Variants in IGSF10 observed in about 807,000 individuals in gnomAD.
IGSF10 encodes the protein immunoglobulin superfamily member 10.
IGSF10 carries 126 observed loss-of-function variants against 128.2 expected under a neutral mutation model. The ratio of observed to expected loss-of-function variants is 0.98; its 90% CI spans 0.85 to 1.14. The LOEUF (loss-of-function observed/expected upper bound fraction) is 1.14, where lower values mean the gene tolerates loss of function less well. Ranked by LOEUF, IGSF10 falls within the 50% of genes most tolerant of loss-of-function variation. The probability of loss-of-function intolerance (pLI) is 0.00; values close to 1 mark genes in which losing one functional copy is unlikely to be tolerated. For synonymous variants in IGSF10, 1,185 were observed against 1,146.2 expected, an observed-to-expected ratio of 1.03 and a Z score of -0.68; for missense variants, 3,295 against 3,149.8, an observed-to-expected ratio of 1.05 and a Z score of -1.10.
chr3:151,436,395 C>T lies in IGSF10; in HGVS notation c.*294G>A, dbSNP rs1415695286. 1 of 238,972 alleles carries T rather than the reference C, an allele frequency of 4.2e-6. No homozygotes were observed. The highest frequency in any genetic ancestry group is 8.1e-6 in the Non-Finnish European group (1 of 123,616). 14.8% of individuals were successfully genotyped at this position (238,972 alleles called of 1,614,324 possible). On this transcript the variant is annotated 3_prime_UTR_variant, in exon 8 of 8. Coordinates refer to ENST00000282466, the MANE Select transcript of IGSF10 (RefSeq NM_178822.5). Reference sequence around the variant, plus strand: ...AAGTTCATTTTTTTACTGAAAAATTCAGGTACATTAGCCATTTGTTATTTT... The same window carrying T: ...AAGTTCATTTTTTTACTGAAAAATTTAGGTACATTAGCCATTTGTTATTTT...
chr3:151,472,820 G>A, the IGSF10 span, among the ~76,000 whole-genome samples: 1 of 152,144 alleles, frequency 6.6e-6, no homozygotes, highest in Admixed American at 6.5e-5. Flanking sequence ...TTAGAACCTG[G>A]AGACTGGGTC....
chr3:151,550,680 G>GT, the IGSF10 span, among the ~76,000 whole-genome samples: 1 of 151,828 alleles, frequency 6.6e-6, no homozygotes, highest in African/African-American at 2.4e-5. Context: ...TTTTTTTCTC[G>GT]TTTTTTACAT....
In IGSF10 at chr3:151,444,954, G is replaced by A. The variant is rs746508004; in HGVS notation, c.5027C>T (p.Pro1676Leu). The A allele has an allele frequency of 3.1e-6, 5 of 1,612,866 alleles. No individual in the cohort carries two copies. The highest frequency in any genetic ancestry group is 4.2e-6 in the Non-Finnish European group (5 of 1,179,620). ...AFLPCEAVGN[P>L]LPTIHWTRVP... is the part of the protein sequence containing the mutation. Reference sequence around the variant, plus strand: ...TCTGGTCCAATGAATGGTGGGCAGGGGATTTCCAACAGCTTCACAGGGAAG... The same window carrying A: ...TCTGGTCCAATGAATGGTGGGCAGGAGATTTCCAACAGCTTCACAGGGAAG... The change falls in exon 6 of 8, where the codon CCC (proline) becomes CTC (leucine). Residue 1676 changes from proline (P) to leucine (L), a missense_variant. Transcript: ENST00000282466.
rs1455059192 is a variant in IGSF10, at chr3:151,447,533, A to C, written c.2448T>G (p.Leu816=). ...AGTCAGCAGTCACTGTCCTTGCTGG[A>C]AGGTTCAAAGCTTTAGTGGCCGGGA... ...FMVPATKALN[L]PARTVTADSR... is the part of the protein sequence containing the mutation. Residue 816 remains leucine (L), a synonymous_variant, in exon 6 of 8, where the codon CTT becomes CTG. Coordinates refer to ENST00000282466, the MANE Select transcript of IGSF10 (RefSeq NM_178822.5). The C allele has an allele frequency of 1.2e-6, 2 of 1,614,202 alleles. No individual in the cohort carries two copies. Among genetic ancestry groups the C allele is most frequent in the African/African-American group, 1.3e-5 (1 of 75,058 alleles).
At chr3:151,536,297 C>T in the IGSF10 span, among the ~76,000 whole-genome samples, 1 of 152,164 alleles carries the variant, frequency 6.6e-6, no homozygotes, top group Admixed American at 6.5e-5. Context: ...GGCAGCCTCT[C>T]AACTCCACCT....
At chr3:151,459,636 G>A (rs1721958402) in intron 2 of IGSF10, among the ~76,000 whole-genome samples, 1 of 151,990 alleles carries the variant, frequency 6.6e-6, no homozygotes, top group Non-Finnish European at 1.5e-5. Context: ...GAGGTGGGGA[G>A]CATAACCAGG....
At chr3:151,531,456 G>GC in the IGSF10 span, among the ~76,000 whole-genome samples, 16 of 152,014 alleles carry the variant, frequency 1.1e-4, no homozygotes, top group East Asian at 1.2e-3. Context: ...CTCAGCAAAT[G>GC]AAAAAAATGG....
chr3:151,542,404 A>G, the IGSF10 span, among the ~76,000 whole-genome samples: 119 of 152,278 alleles, frequency 7.8e-4, no homozygotes, highest in African/African-American at 2.7e-3. Flanking sequence ...AATACACAGA[A>G]GTATATAGGG....
chr3:151,499,171 C>G, the IGSF10 span, among the ~76,000 whole-genome samples: 1 of 152,094 alleles, frequency 6.6e-6, no homozygotes, highest in Non-Finnish European at 1.5e-5. Context: ...AATTATTAAT[C>G]TTGTCGAGAG....
chr3:151,479,323 T>C, the IGSF10 span, among the ~76,000 whole-genome samples: 77,804 of 151,996 alleles, frequency 0.51, 20,377 homozygotes, highest in South Asian at 0.62. Flanking sequence ...AAAACAAATG[T>C]TTCTTTCTGT....
chr3:151,446,440 G>A lies in IGSF10; in HGVS notation c.3541C>T (p.Leu1181Phe), dbSNP rs761848514. 14 of 1,614,120 alleles carry A rather than the reference G, an allele frequency of 8.7e-6. No homozygotes were observed. The highest frequency in any genetic ancestry group is 2.2e-5 in the South Asian group (2 of 91,074). Residue 1181 changes from leucine (L) to phenylalanine (F), a missense_variant, in exon 6 of 8, where the codon CTT (leucine) becomes TTT (phenylalanine). Transcript: ENST00000282466. Reference sequence around the variant, plus strand: ...GGTGGCTTGGTGATAGCACCTGAAAGTGACGATGTAATCACTGAATCTCTT... The same window carrying A: ...GGTGGCTTGGTGATAGCACCTGAAAATGACGATGTAATCACTGAATCTCTT... ...AKRDSVITSS[L>F]SGAITKPPMT...
chr3:151,437,006 C>T lies in IGSF10; in HGVS notation c.7555G>A (p.Val2519Ile). 6.2e-7 allele frequency: 1 copy of T among 1,614,158 alleles called. No individual in the cohort carries two copies. Among genetic ancestry groups the T allele is most frequent in the Non-Finnish European group, 8.5e-7 (1 of 1,180,014 alleles). ...QNSVGHTLIT[V>I]PVMIVAYPPR... ...GGGTAGGCTACAATCATTACTGGAACAGTAATCAGTGTATGACCAACACTA... is the reference window on the plus strand; with the variant it reads ...GGGTAGGCTACAATCATTACTGGAATAGTAATCAGTGTATGACCAACACTA... The change falls in exon 8 of 8, where the codon GTT becomes ATT. Residue 2519 changes from valine (V) to isoleucine (I), a missense_variant. Val to Ile is a conservative substitution (Grantham distance 29). Transcript: ENST00000282466.
At chr3:151,515,124 A>G in the IGSF10 span, among the ~76,000 whole-genome samples, 2 of 152,208 alleles carry the variant, frequency 1.3e-5, no homozygotes, top group East Asian at 3.9e-4. Context: ...CTGGATATAT[A>G]CCCAAAGTAT....
the IGSF10 span, among the ~76,000 whole-genome samples, chr3:151,560,915 G>C: frequency 1.3e-5 from 2 of 152,120 alleles, no homozygotes; most frequent in African/African-American, 4.8e-5. Flanking sequence ...ATTTTAAATT[G>C]GATAGCCTCT....
intron 5 of IGSF10, among the ~76,000 whole-genome samples, chr3:151,450,821 G>A (rs752538953): frequency 1.0e-4 from 15 of 148,194 alleles, no homozygotes; most frequent in Non-Finnish European, 1.8e-4. Context: ...ACTTAACCCG[G>A]GAGGCAGAGG....
the IGSF10 span, among the ~76,000 whole-genome samples, chr3:151,469,900 G>A: frequency 1.3e-5 from 2 of 152,206 alleles, no homozygotes; most frequent in African/African-American, 4.8e-5. Context: ...TAATAAAATT[G>A]TAATACCAAG....
intron 5 of IGSF10, among the ~76,000 whole-genome samples, chr3:151,450,714 T>G (rs1373716384): frequency 1.3e-5 from 2 of 151,660 alleles, no homozygotes; most frequent in Admixed American, 6.6e-5. Flanking sequence ...CTGACCAACA[T>G]GGAAAAACCC....
upstream of IGSF10, among the ~76,000 whole-genome samples, chr3:151,464,823 C>T (rs951979220): frequency 3.9e-5 from 6 of 152,152 alleles, no homozygotes; most frequent in African/African-American, 1.4e-4. Context: ...CATGAAGAGA[C>T]ATAATGCAGG....
chr3:151,484,902 A>G, the IGSF10 span, among the ~76,000 whole-genome samples: 16 of 152,174 alleles, frequency 1.1e-4, 1 homozygote, highest in Non-Finnish European at 2.4e-4. Context: ...TTCTCCTCCA[A>G]AGGATCACAA....
Sources: allele counts gnomAD v4.1 joint callset (sites outside exome capture counted in the v4.1 genomes callset), GRCh38; gene constraint gnomAD v4.1.1; transcripts MANE v1.5; gene names NCBI Gene and HGNC (gene_info 2026-07-23, HGNC 2026-07-21).